EXOC4: variants seen among roughly 807,000 people sequenced by gnomAD.
EXOC4 encodes exocyst complex component 4, also known as SEC8-like 1.
Under a neutral mutation model 107.2 loss-of-function variants are expected in EXOC4, and 71 were observed. That is an observed-to-expected ratio of 0.66 (90% CI 0.55 to 0.81). EXOC4 has a LOEUF of 0.81. EXOC4 is among the 30% of genes least tolerant of loss of function. EXOC4 has a pLI of 0.00. For missense variants in EXOC4, 1,108 were observed against 1,189.6 expected, an observed-to-expected ratio of 0.93 and a Z score of 1.01; for synonymous variants, 456 against 441.2, an observed-to-expected ratio of 1.03 and a Z score of -0.42.
chr7:133,707,438 T>TC (rs957231591), intron 10 of EXOC4, among the ~76,000 whole-genome samples: 1 of 151,386 alleles, frequency 6.6e-6, no homozygotes, highest in African/African-American at 2.4e-5. Flanking sequence ...TTTTTTTTTT[T>TC]CCCTCCACAA....
intron 11 of EXOC4, among the ~76,000 whole-genome samples, chr7:133,887,697 C>A (rs1430800531): frequency 6.6e-6 from 1 of 152,206 alleles, no homozygotes; most frequent in Non-Finnish European, 1.5e-5. Context: ...AAGGCCCTTT[C>A]TCCCAATAAT....
intron 10 of EXOC4, among the ~76,000 whole-genome samples, chr7:133,694,286 A>C (rs1400074334): frequency 2.0e-5 from 3 of 151,846 alleles, no homozygotes; most frequent in Non-Finnish European, 4.4e-5. Flanking sequence ...AAAAATTGTT[A>C]TAAATGCTAA....
chr7:133,461,540 G>T (rs964693997), intron 7 of EXOC4, among the ~76,000 whole-genome samples: 2 of 152,168 alleles, frequency 1.3e-5, no homozygotes, highest in Admixed American at 1.3e-4. Flanking sequence ...AATTGAAAAT[G>T]CTGGGTCTTA....
chr7:133,666,707 A>G (rs775190568), intron 10 of EXOC4, among the ~76,000 whole-genome samples: 19 of 152,178 alleles, frequency 1.2e-4, no homozygotes, highest in Non-Finnish European at 2.6e-4. Flanking sequence ...TGCTTAATGT[A>G]TTCCAGACAC....
intron 11 of EXOC4, among the ~76,000 whole-genome samples, chr7:133,823,843 TTA>T (rs869279764): frequency 0.098 from 1,826 of 18,604 alleles, 75 homozygotes; most frequent in Non-Finnish European, 0.11. Context: ...TATATATATA[TTA>T]TATATATATA....
intron 5 of EXOC4, among the ~76,000 whole-genome samples, chr7:133,326,619 C>G (rs1426291489): frequency 6.6e-6 from 1 of 152,210 alleles, no homozygotes; most frequent in East Asian, 1.9e-4. Flanking sequence ...TCTGCCCCTA[C>G]TGGATGGTGC....
intron 13 of EXOC4, among the ~76,000 whole-genome samples, chr7:133,932,719 G>A (rs572653249): frequency 2.6e-5 from 4 of 152,178 alleles, no homozygotes; most frequent in Admixed American, 2.0e-4. Context: ...TTTATGTTGC[G>A]GCCTTGTAAC....
At position 134,014,327 on chromosome 7, in the gene EXOC4, TGG is replaced by T. The variant is rs376179061; in HGVS notation, c.2687+6494_2687+6495del. Reference sequence around the variant, plus strand: ...GGTGAGGCAGGAGAATGCTTGAACCTGGGAGGCAGAGCTTGCAGTCAGCCGAG... The same window carrying T: ...GGTGAGGCAGGAGAATGCTTGAACCTGAGGCAGAGCTTGCAGTCAGCCGAG... On this transcript the variant is annotated intron_variant, in intron 17 of 17. Transcript: ENST00000253861. Among the ~76,000 whole-genome samples the T allele has an allele frequency of 6.0e-4, 91 of 152,226 alleles. 1 individual carries two copies. The East Asian group carries it at 0.012, about 20-fold the overall frequency.
At chr7:133,937,156 T>TA (rs1314013597) in intron 13 of EXOC4, among the ~76,000 whole-genome samples, 8 of 152,162 alleles carry the variant, frequency 5.3e-5, no homozygotes, top group African/African-American at 1.9e-4. Flanking sequence ...TCATCCTTTG[T>TA]AACCCCCTGT....
chr7:134,034,993 G>C (rs1163502734), intron 17 of EXOC4, among the ~76,000 whole-genome samples: 3 of 151,338 alleles, frequency 2.0e-5, no homozygotes, highest in Non-Finnish European at 2.9e-5. Context: ...CAGAAATATG[G>C]TTTGGGGTAA....
At position 133,945,021 on chromosome 7, in the gene EXOC4, G is replaced by A. The variant is rs1312204194; in HGVS notation, c.2206+6952G>A. On this transcript the variant is annotated intron_variant, in intron 14 of 17. Transcript: ENST00000253861. ...CAAAACCCATTCACAAGTGGAACTC[G>A]CTTCCTGAGATAAGTCCTTTTAGAG... is the stretch of plus-strand genomic sequence containing the variant. 7.2e-5 allele frequency among the ~76,000 whole-genome samples: 11 copies of A among 152,098 alleles called. No individual in the cohort carries two copies. The East Asian group carries it at 2.1e-3, about 29-fold the overall frequency.
chr7:133,823,292 G>A (rs1234778937), intron 11 of EXOC4, among the ~76,000 whole-genome samples: 2 of 152,124 alleles, frequency 1.3e-5, no homozygotes, highest in African/African-American at 4.8e-5. Flanking sequence ...TATATCTGCA[G>A]ACTTAGAGCA....
intron 14 of EXOC4, among the ~76,000 whole-genome samples, chr7:133,950,993 A>C (rs566532768): frequency 6.6e-6 from 1 of 152,186 alleles, no homozygotes; most frequent in Admixed American, 6.5e-5. Flanking sequence ...AAACACCCCC[A>C]CAAAAAGGTT....
intron 11 of EXOC4, among the ~76,000 whole-genome samples, chr7:133,862,020 C>G (rs1003136297): frequency 6.6e-6 from 1 of 152,150 alleles, no homozygotes; most frequent in African/African-American, 2.4e-5. Context: ...TGATTTTTCT[C>G]TGATGATTAC....
chr7:133,727,618 C>A, intron 10 of EXOC4: 1 of 162,378 alleles, frequency 6.2e-6, no homozygotes, highest in Non-Finnish European at 1.4e-5. Context: ...CCAACCCAGT[C>A]ACCTGCTCAC....
intron 1 of EXOC4, among the ~76,000 whole-genome samples, chr7:133,256,221 T>C (rs899085073): frequency 6.6e-6 from 1 of 152,224 alleles, no homozygotes; most frequent in African/African-American, 2.4e-5. Flanking sequence ...GACCTTGTGA[T>C]CCACCCGCCT....
intron 7 of EXOC4, among the ~76,000 whole-genome samples, chr7:133,474,287 G>A (rs1032806603): frequency 6.6e-6 from 1 of 152,084 alleles, no homozygotes; most frequent in South Asian, 2.1e-4. Context: ...GATTTTATAA[G>A]TAGAACCTAT....
chr7:133,762,863 T>C (rs1796061406), intron 10 of EXOC4, among the ~76,000 whole-genome samples: 1 of 152,128 alleles, frequency 6.6e-6, no homozygotes, highest in South Asian at 2.1e-4. Flanking sequence ...CACCAAGACA[T>C]TGATAATGTT....
chr7:133,658,693 G>C (rs1449224830), intron 10 of EXOC4, among the ~76,000 whole-genome samples: 3 of 152,148 alleles, frequency 2.0e-5, no homozygotes, highest in Admixed American at 6.5e-5. Context: ...AAGGATGTGT[G>C]GGGTGGATGT....
Sources: allele counts gnomAD v4.1 joint callset (sites outside exome capture counted in the v4.1 genomes callset), GRCh38; gene constraint gnomAD v4.1.1; transcripts MANE v1.5; gene names NCBI Gene and HGNC (gene_info 2026-07-23, HGNC 2026-07-21).